SSR4: variants seen among roughly 807,000 people sequenced by gnomAD.
The protein encoded by SSR4 is signal sequence receptor subunit 4.
For missense variants in SSR4, 125 were observed against 148.8 expected (o/e 0.84, Z 0.83); for synonymous variants, 84 against 65.6 (o/e 1.28, Z -1.35).
At chrX:153,794,371 C>T (rs782568171), upstream of SSR4, 9 of 1,168,324 alleles carry the variant, frequency 7.7e-6, no homozygotes, top group South Asian at 1.1e-4. Context: ...GCAGATACCG[C>T]TCTCGCGAGA....
chrX:153,796,933 T>G, intron 2 of SSR4: 1 of 189,899 alleles, frequency 5.3e-6, no homozygotes, highest in African/African-American at 2.9e-5. Context: ...TCAGCTGGAG[T>G]GCATTGGCAC....
chrX:153,794,918 C>G lies in SSR4; in HGVS notation c.67+164C>G, dbSNP rs919271834. ...TTGGGACGGGGGGACCAAAGCACCT[C>G]GCGCACGTTTACCGGCAGCCAGGCT... On this transcript the variant is annotated intron_variant, in intron 1 of 5. Coordinates refer to ENST00000370086, the MANE Select transcript of SSR4 (RefSeq NM_006280.3). 5.2e-6 allele frequency: 3 copies of G among 577,584 alleles called. No homozygotes were observed. The African/African-American group carries it at 7.0e-5, about 13-fold the overall frequency. 47.6% of individuals were successfully genotyped at this position (577,584 alleles called of 1,213,427 possible).
intron 2 of SSR4, 81 bp from the exon 3 acceptor site, chrX:153,797,377 G>T: frequency 1.1e-6 from 1 of 912,072 alleles, no homozygotes; most frequent in Non-Finnish European, 1.6e-6. Flanking sequence ...CCACCTGCAG[G>T]CCGTGTGAGC....
chrX:153,798,000 T>TACCCA, intron 4 of SSR4, 71 bp from the exon 5 acceptor site: 1 of 703,999 alleles, frequency 1.4e-6, no homozygotes, highest in Non-Finnish European at 2.3e-6. Flanking sequence ...TACCTGTCTT[T>TACCCA]CCCCTCCCCT....
At chrX:153,796,597 C>G in intron 2 of SSR4, 45 bp downstream of exon 2, 1 of 951,289 alleles carries the variant, frequency 1.1e-6, no homozygotes, top group Non-Finnish European at 1.5e-6. Context: ...GGGGGGTGCT[C>G]CTCACTGCTA....
At chrX:153,796,296 A>C in intron 1 of SSR4, 138 bp from the exon 2 acceptor site, 1 of 473,666 alleles carries the variant, frequency 2.1e-6, no homozygotes, top group Non-Finnish European at 3.7e-6. Context: ...TCTGTCTCGC[A>C]TATCCCACCT....
At chrX:153,794,641 G>A, upstream of SSR4, 1 of 1,210,745 alleles carries the variant, frequency 8.3e-7, no homozygotes, top group Non-Finnish European at 1.1e-6. Flanking sequence ...TTTGCCCCTC[G>A]TGTTCATGGG....
At position 153,796,467 on chromosome X, in the gene SSR4, C is replaced by T. The variant is rs2092142079; in HGVS notation, c.101C>T (p.Ser34Phe). ...TGCCTGGAGCCCCAGATCACCCCTT[C>T]CTACTACACCACTTCTGACGCTGTC... ...EACLEPQITP[S>F]YYTTSDAVIS... The change falls in exon 2 of 6, where the codon TCC (serine) becomes TTC (phenylalanine). Residue 34 changes from serine to phenylalanine, a missense_variant. Physicochemically the swap from Ser to Phe is radical, Grantham distance 155. Coordinates refer to ENST00000370086, the MANE Select transcript of SSR4 (RefSeq NM_006280.3). 1.7e-6 allele frequency: 2 copies of T among 1,211,399 alleles called. No individual in the cohort carries two copies. The highest frequency in any genetic ancestry group is 2.2e-6 in the Non-Finnish European group (2 of 894,946).
intron 3 of SSR4, 63 bp downstream of exon 3, chrX:153,797,595 A>C (rs1202421086): frequency 2.6e-6 from 3 of 1,146,517 alleles, no homozygotes; most frequent in Non-Finnish European, 3.6e-6. Flanking sequence ...CTGAAGCCCC[A>C]GGGGTGGCCG....
chrX:153,797,873 T>A (rs782617956), intron 4 of SSR4, 59 bp downstream of exon 4: 16 of 1,025,273 alleles, frequency 1.6e-5, no homozygotes, highest in Non-Finnish European at 2.0e-5. Flanking sequence ...ATGGGCTGGG[T>A]TGGGAGGTGC....
chrX:153,794,537 G>A, upstream of SSR4: 1 of 1,168,365 alleles, frequency 8.6e-7, no homozygotes, highest in Non-Finnish European at 1.1e-6. Context: ...CTCAGGGAGG[G>A]GCCACGTCAG....
In SSR4 at chrX:153,797,658, G is replaced by A. The variant is rs183252069; in HGVS notation, c.262-67G>A. On this transcript the variant is annotated intron_variant, in intron 3 of 5. Transcript: ENST00000370086. ...CTGGCTGCCGGAGTGCTGCAGTGTCGGCACTGGTGGTCAGGGTGGCCCCTC... is the reference window on the plus strand; with the variant it reads ...CTGGCTGCCGGAGTGCTGCAGTGTCAGCACTGGTGGTCAGGGTGGCCCCTC... The A allele has an allele frequency of 1.2e-3, 1,292 of 1,116,990 alleles. 19 individuals carry two copies. In the East Asian group the frequency reaches 0.031, roughly 27 times the overall value. 92.1% of individuals were successfully genotyped at this position (1,116,990 alleles called of 1,213,427 possible). A position where few individuals can be genotyped will look rare whatever the true frequency, so the allele number is the denominator to read the frequency against.
chrX:153,796,161 A>G (rs782517381), intron 1 of SSR4: 2 of 355,741 alleles, frequency 5.6e-6, no homozygotes, highest in Non-Finnish European at 9.9e-6. Context: ...CAGTGAATCC[A>G]GCCCCCACCT....
Position 153,797,766 on chromosome X carries a change from C to T in SSR4, c.303C>T (p.Thr101=). ...ACCACAAGAGCGCCCACGCAGGCAC[C>T]TATGAGGTTAGATTCTTCGACGAGG... ...SLDHKSAHAG[T]YEVRFFDEES... The change falls in exon 4 of 6, where the codon ACC becomes ACT. Residue 101 remains threonine (T), a synonymous_variant. Transcript: ENST00000370086. 1 of 1,210,616 alleles carries T rather than the reference C, an allele frequency of 8.3e-7. No homozygotes were observed. Among genetic ancestry groups the T allele is most frequent in the South Asian group, 1.8e-5 (1 of 56,839 alleles).
At chrX:153,794,438 G>C, upstream of SSR4, 1 of 1,136,187 alleles carries the variant, frequency 8.8e-7, no homozygotes, top group South Asian at 2.0e-5. Flanking sequence ...GCGCACGCGC[G>C]CGGTCGCACC....
chrX:153,796,759 C>G (rs1829048132), intron 2 of SSR4: 1 of 396,572 alleles, frequency 2.5e-6, no homozygotes, highest in African/African-American at 2.5e-5. Flanking sequence ...ACGAGGTAAC[C>G]CTGGGCTCAC....
At chrX:153,797,687 G>C in intron 3 of SSR4, 38 bp from the exon 4 acceptor site, 1 of 1,183,871 alleles carries the variant, frequency 8.4e-7, no homozygotes, top group Non-Finnish European at 1.1e-6. Context: ...GCCCCTCCGT[G>C]TCCACTCTGC....
chrX:153,794,527 C>T (rs782171979), upstream of SSR4: 54 of 1,164,603 alleles, frequency 4.6e-5, no homozygotes, highest in Non-Finnish European at 6.1e-5. Context: ...GGGCCCCTGG[C>T]TCAGGGAGGG....
chrX:153,797,948 C>T, intron 4 of SSR4, 123 bp from the exon 5 acceptor site: 2 of 901,331 alleles, frequency 2.2e-6, no homozygotes, highest in South Asian at 2.1e-5. Context: ...GTCTCTTGCC[C>T]ATTTCTCTCC....
Sources: allele counts gnomAD v4.1 joint callset, GRCh38; gene constraint gnomAD v4.1.1; transcripts MANE v1.5; gene names NCBI Gene and HGNC (gene_info 2026-07-23, HGNC 2026-07-21).